Variants in FMR1NB observed in about 807,000 individuals in gnomAD.
The protein encoded by FMR1NB is FMR1 neighbor.
In FMR1NB, 10 loss-of-function variants were observed where a neutral mutation model predicts 16.8. That is an observed-to-expected ratio of 0.60 (90% confidence interval 0.37 to 1.01). The LOEUF is 1.01. Among genes scored for constraint, FMR1NB ranks in the 50% least tolerant of loss-of-function variants. The pLI is 0.01. For synonymous variants in FMR1NB, 83 were observed against 79.1 expected (o/e 1.05, Z -0.26); for missense variants, 205 against 204.8 (o/e 1.00, Z 0.00).
intron 5 of FMR1NB, 107 bp downstream of exon 5, chrX:148,025,120 C>A: frequency 1.1e-6 from 1 of 894,016 alleles, no homozygotes; most frequent in Non-Finnish European, 1.5e-6. Context: ...TTTAACCACA[C>A]AAATGTTTGG....
At chrX:148,024,827 T>C (rs1557190873) in intron 4 of FMR1NB, 38 bp from the exon 5 acceptor site, 1 of 1,194,051 alleles carries the variant, frequency 8.4e-7, no homozygotes, top group Non-Finnish European at 1.1e-6. Context: ...CTATCACTAA[T>C]GAGAAATAAG....
chrX:148,014,616 G>T (rs1371940571), intron 4 of FMR1NB, among the ~76,000 whole-genome samples: 3 of 110,140 alleles, frequency 2.7e-5, no homozygotes, highest in African/African-American at 9.9e-5. Flanking sequence ...TAAAAAGTTA[G>T]CATGTAGATG....
chrX:148,005,737 A>G (rs1476721643), intron 2 of FMR1NB, among the ~76,000 whole-genome samples: 1 of 111,895 alleles, frequency 8.9e-6, no homozygotes, highest in Admixed American at 9.5e-5. Context: ...GTGCCTAAAT[A>G]ATGGTAGATA....
At chrX:148,024,627 G>A (rs933963029) in intron 4 of FMR1NB, among the ~76,000 whole-genome samples, 4 of 111,517 alleles carry the variant, frequency 3.6e-5, no homozygotes, top group Admixed American at 1.9e-4. Flanking sequence ...GAGCATTTCT[G>A]TTACAGATGG....
At chrX:148,014,621 T>C (rs1303172282) in intron 4 of FMR1NB, among the ~76,000 whole-genome samples, 4 of 111,555 alleles carry the variant, frequency 3.6e-5, no homozygotes, top group African/African-American at 1.3e-4. Flanking sequence ...AGTTAGCATG[T>C]AGATGGCTTC....
At chrX:148,012,466 A>G (rs1451283068) in intron 4 of FMR1NB, among the ~76,000 whole-genome samples, 2 of 111,969 alleles carry the variant, frequency 1.8e-5, no homozygotes, top group Non-Finnish European at 3.8e-5. Context: ...ATCAGATTGA[A>G]TTTGTAACTT....
intron 4 of FMR1NB, among the ~76,000 whole-genome samples, chrX:148,021,896 C>CTT (rs782136639): frequency 5.1e-5 from 5 of 98,984 alleles, no homozygotes; most frequent in African/African-American, 3.7e-5. Context: ...ACATCATCTG[C>CTT]TTTTTTTTTT....
chrX:148,006,114 G>A (rs2044594883), intron 2 of FMR1NB, among the ~76,000 whole-genome samples: 1 of 103,273 alleles, frequency 9.7e-6, no homozygotes, highest in East Asian at 2.8e-4. Context: ...ATTTATTGCA[G>A]TTGCATAATC....
intron 4 of FMR1NB, among the ~76,000 whole-genome samples, chrX:148,009,367 C>T (rs1479096158): frequency 1.8e-5 from 2 of 110,810 alleles, no homozygotes; most frequent in African/African-American, 6.6e-5. Flanking sequence ...GTGTTAGTTT[C>T]CATTGAGTCA....
chrX:147,996,594 G>A (rs1309902058), intron 1 of FMR1NB, among the ~76,000 whole-genome samples: 2 of 110,331 alleles, frequency 1.8e-5, no homozygotes, highest in Non-Finnish European at 1.9e-5. Flanking sequence ...GGGGATGGGG[G>A]GGGCGGGGGC....
chrX:148,002,454 A>G (rs1286274014), intron 1 of FMR1NB, among the ~76,000 whole-genome samples: 4 of 111,882 alleles, frequency 3.6e-5, no homozygotes, highest in Admixed American at 2.9e-4. Flanking sequence ...ATTTATCTTA[A>G]GTAATTTTTC....
At chrX:148,003,723 A>G (rs1278569350) in intron 2 of FMR1NB, among the ~76,000 whole-genome samples, 2 of 111,994 alleles carry the variant, frequency 1.8e-5, no homozygotes, top group Non-Finnish European at 3.8e-5. Context: ...GACTGATGTT[A>G]TGGAATATGC....
At chrX:148,003,168 A>G in intron 1 of FMR1NB, 33 bp from the exon 2 acceptor site, 2 of 1,192,314 alleles carry the variant, frequency 1.7e-6, no homozygotes, top group Non-Finnish European at 2.3e-6. Context: ...AATGCTTTAT[A>G]TGTTGGGATT....
At chrX:147,990,820 T>C (rs2044500499) in intron 1 of FMR1NB, among the ~76,000 whole-genome samples, 1 of 110,139 alleles carries the variant, frequency 9.1e-6, no homozygotes, top group African/African-American at 3.3e-5. Flanking sequence ...GTGACTTTCC[T>C]CCCTCATCTC....
intron 1 of FMR1NB, among the ~76,000 whole-genome samples, chrX:147,993,392 C>G (rs946948604): frequency 3.6e-5 from 3 of 84,388 alleles, no homozygotes; most frequent in African/African-American, 1.7e-4. Flanking sequence ...AGAGGGAGAC[C>G]GTGGGGAGAG....
At chrX:148,016,541 C>T (rs1326491763) in intron 4 of FMR1NB, among the ~76,000 whole-genome samples, 2 of 111,481 alleles carry the variant, frequency 1.8e-5, no homozygotes, top group African/African-American at 6.5e-5. Context: ...ACTTTCCTTC[C>T]TTCCTGTCTT....
At chrX:148,004,219 C>T (rs146047242) in intron 2 of FMR1NB, among the ~76,000 whole-genome samples, 1,621 of 111,887 alleles carry the variant, frequency 0.014, 31 homozygotes, top group African/African-American at 0.05. Context: ...GGTGTTATGT[C>T]GTATAGGCTG....
intron 4 of FMR1NB, 122 bp downstream of exon 4, chrX:148,008,833 T>G (rs1783505560): frequency 3.3e-6 from 2 of 603,974 alleles, no homozygotes; most frequent in Non-Finnish European, 5.0e-6. Flanking sequence ...ATGTTGAAAA[T>G]ATGGTAGCTT....
chrX:147,983,469 A>G (rs782061919), intron 1 of FMR1NB, among the ~76,000 whole-genome samples: 1 of 112,482 alleles, frequency 8.9e-6, no homozygotes, highest in South Asian at 3.7e-4. Context: ...GTTTTGATTT[A>G]TATTTTCCTA....
Sources: allele counts gnomAD v4.1 joint callset (sites outside exome capture counted in the v4.1 genomes callset), GRCh38; gene constraint gnomAD v4.1.1; transcripts MANE v1.5; gene names NCBI Gene and HGNC (gene_info 2026-07-23, HGNC 2026-07-21).